Variants in BPIFB4 observed in about 807,000 individuals in gnomAD.
The protein encoded by BPIFB4 is BPI fold-containing family B member 4.
In BPIFB4, 62 loss-of-function variants were observed where a neutral mutation model predicts 69.2. The observed-to-expected ratio is 0.90, with a 90% CI of 0.73 to 1.11. The LOEUF (loss-of-function observed/expected upper bound fraction) is 1.11. BPIFB4 is among the 50% of genes least tolerant of loss of function. The pLI is 0.00. For synonymous variants in BPIFB4, 330 were observed against 332.7 expected (o/e 0.99, Z 0.09); for missense variants, 789 against 792.0 (o/e 1.00, Z 0.04).
intron 13 of BPIFB4, among the ~76,000 whole-genome samples, 185 bp downstream of exon 13, chr20:33,097,972 C>A (rs1283963514): frequency 6.6e-6 from 1 of 152,226 alleles, no homozygotes; most frequent in Non-Finnish European, 1.5e-5. Flanking sequence ...TGACTTTGGA[C>A]AAGTCACTCC....
chr20:33,088,838 C>T (rs762661833), intron 7 of BPIFB4, 128 bp from the exon 8 acceptor site: 27 of 1,504,850 alleles, frequency 1.8e-5, no homozygotes, highest in South Asian at 3.8e-5. Context: ...TCCCAGCTTT[C>T]GAACAGTTTT....
intron 11 of BPIFB4, among the ~76,000 whole-genome samples, 171 bp from the exon 12 acceptor site, chr20:33,094,929 T>C (rs995023895): frequency 6.6e-6 from 1 of 152,194 alleles, no homozygotes; most frequent in Non-Finnish European, 1.5e-5. Flanking sequence ...GATCTGCGTA[T>C]GGTGATGATG....
chr20:33,087,778 A>G (rs1981478408), intron 7 of BPIFB4, among the ~76,000 whole-genome samples: 1 of 141,488 alleles, frequency 7.1e-6, no homozygotes. Context: ...ACACACACAT[A>G]TATATTCTCA....
intron 9 of BPIFB4, among the ~76,000 whole-genome samples, chr20:33,090,297 C>T (rs1981560454): frequency 6.6e-6 from 1 of 152,136 alleles, no homozygotes; most frequent in Non-Finnish European, 1.5e-5. Flanking sequence ...GAAGGAAGAG[C>T]CCAAAAGCTG....
At chr20:33,096,703 G>A (rs1401749592) in intron 12 of BPIFB4, among the ~76,000 whole-genome samples, 2 of 152,208 alleles carry the variant, frequency 1.3e-5, no homozygotes, top group Admixed American at 6.5e-5. Context: ...AGCAGAGCTG[G>A]GGTAGAATAG....
At chr20:33,090,831 T>C (rs1401097895) in intron 10 of BPIFB4, 32 bp downstream of exon 10, 1 of 1,612,630 alleles carries the variant, frequency 6.2e-7, no homozygotes, top group South Asian at 1.1e-5. Flanking sequence ...CAAAGGGTGG[T>C]GGCCCTCCTC....
At chr20:33,090,610 C>A in intron 9 of BPIFB4, 98 bp from the exon 10 acceptor site, 1 of 1,555,050 alleles carries the variant, frequency 6.4e-7, no homozygotes, top group Admixed American at 1.8e-5. Flanking sequence ...GGAGCTGGAG[C>A]CTGGGCCTAC....
rs1981234722 is a variant in BPIFB4, at chr20:33,081,650, G to A, written c.106+18G>A. 1 of 1,551,422 alleles carries A rather than the reference G, an allele frequency of 6.4e-7. No individual in the cohort carries two copies. Among genetic ancestry groups the A allele is most frequent in the Non-Finnish European group, 8.7e-7 (1 of 1,146,870 alleles). ...GAGCAATGGTGAGTCCAGCCCCAAA[G>A]GGGTGAGGGTTGGCATGGGGTGAGC... On this transcript the variant is annotated intron_variant, in intron 3 of 17. Transcript: ENST00000375483.
intron 3 of BPIFB4, 21 bp downstream of exon 3, chr20:33,081,653 G>A (rs1267968546): frequency 1.3e-6 from 2 of 1,551,342 alleles, no homozygotes; most frequent in Non-Finnish European, 8.7e-7. Context: ...CCCCAAAGGG[G>A]TGAGGGTTGG....
intron 1 of BPIFB4, 49 bp from the exon 2 acceptor site, chr20:33,080,420 T>C (rs1981195032): frequency 6.6e-6 from 1 of 152,198 alleles, no homozygotes; most frequent in Non-Finnish European, 1.5e-5. Flanking sequence ...CGTTCCAAAA[T>C]GCATGTTTCA....
chr20:33,103,563 C>T (rs955445384), intron 15 of BPIFB4, among the ~76,000 whole-genome samples: 3 of 152,194 alleles, frequency 2.0e-5, no homozygotes, highest in South Asian at 4.1e-4. Flanking sequence ...TGTTTTATCT[C>T]TTTGTTCACT....
chr20:33,103,637 C>T (rs1197415441), intron 15 of BPIFB4, among the ~76,000 whole-genome samples: 2 of 151,788 alleles, frequency 1.3e-5, no homozygotes, highest in African/African-American at 4.8e-5. Context: ...CCCCCACCTC[C>T]GCTTTTTATA....
chr20:33,108,540 A>T (rs1276491528), intron 17 of BPIFB4, among the ~76,000 whole-genome samples: 2 of 151,452 alleles, frequency 1.3e-5, no homozygotes, highest in African/African-American at 2.4e-5. Flanking sequence ...TCAGGGAATC[A>T]GTAGAGCATT....
At chr20:33,086,271 A>G in intron 7 of BPIFB4, 107 bp downstream of exon 7, 4 of 1,399,930 alleles carry the variant, frequency 2.9e-6, no homozygotes, top group Non-Finnish European at 3.9e-6. Flanking sequence ...GGTGGGCAGG[A>G]CGATGATGCT....
intron 3 of BPIFB4, among the ~76,000 whole-genome samples, chr20:33,082,454 C>T (rs1311759225): frequency 6.6e-6 from 1 of 152,174 alleles, no homozygotes; most frequent in African/African-American, 2.4e-5. Context: ...CTGCCTCAGC[C>T]TCCTGAGTAG....
rs571386504 is a variant in BPIFB4, at chr20:33,095,042, A to G, written c.1345-58A>G. On this transcript the variant is annotated intron_variant, in intron 11 of 17. Transcript: ENST00000375483. Reference sequence around the variant, plus strand: ...TAGGAGTTTAATCACTGTATTAGCAACTCCTGTCTGTACCGATAGCCTCCA... The same window carrying G: ...TAGGAGTTTAATCACTGTATTAGCAGCTCCTGTCTGTACCGATAGCCTCCA... 4.0e-6 allele frequency: 6 copies of G among 1,500,114 alleles called. No individual in the cohort carries two copies. The South Asian group carries it at 6.8e-5, about 17-fold the overall frequency. The allele number at this position is 1,500,114 out of a possible 1,614,324, so 92.9% of individuals were successfully genotyped here. A position where few individuals can be genotyped will look rare whatever the true frequency, so the allele number is the denominator to read the frequency against.
rs144624932 is a variant in BPIFB4, at chr20:33,087,836, G to C, written c.927-1130G>C. On this transcript the variant is annotated intron_variant, in intron 7 of 17. Coordinates refer to ENST00000375483, the MANE Select transcript of BPIFB4 (RefSeq NM_182519.3). ...GGTGGAACCAGGATAAGCCCGTCAA[G>C]GTGAATCCACTTAAAAGGGGGACCG... Among the ~76,000 whole-genome samples the C allele has an allele frequency of 5.3e-3, 805 of 151,940 alleles. 1 individual carries two copies. Among genetic ancestry groups the C allele is most frequent in the Non-Finnish European group, 8.9e-3 (608 of 68,002 alleles).
At chr20:33,093,192 T>C (rs1013380203) in intron 11 of BPIFB4, among the ~76,000 whole-genome samples, 1 of 152,130 alleles carries the variant, frequency 6.6e-6, no homozygotes, top group Non-Finnish European at 1.5e-5. Flanking sequence ...GCTTCATATC[T>C]ACCTATGCGT....
intron 14 of BPIFB4, among the ~76,000 whole-genome samples, chr20:33,101,633 C>T (rs530097750): frequency 6.6e-6 from 1 of 152,256 alleles, no homozygotes; most frequent in African/African-American, 2.4e-5. Flanking sequence ...GCAGCCTTGA[C>T]CTCCCCAGCT....
Sources: allele counts gnomAD v4.1 joint callset (sites outside exome capture counted in the v4.1 genomes callset), GRCh38; gene constraint gnomAD v4.1.1; transcripts MANE v1.5; gene names NCBI Gene and HGNC (gene_info 2026-07-23, HGNC 2026-07-21).